Variants in CD82 observed in about 807,000 individuals in gnomAD.
CD82 encodes CD82 molecule.
In CD82, 36 loss-of-function variants were observed where a neutral mutation model predicts 37.4. That is an observed-to-expected ratio of 0.96 (90% CI 0.74 to 1.27). CD82 has a LOEUF of 1.27. Among genes scored for constraint, CD82 ranks in the 50% most tolerant of loss-of-function variants. CD82 has a pLI of 0.00. For synonymous variants in CD82, 158 were observed against 137.4 expected (o/e 1.15, Z -1.05); for missense variants, 340 against 347.0 (o/e 0.98, Z 0.16).
chr11:44,572,080 G>T, intron 1 of CD82, among the ~76,000 whole-genome samples: 1 of 152,220 alleles, frequency 6.6e-6, no homozygotes. Context: ...TGCCACAGTG[G>T]ACGGCTGCAG....
At chr11:44,596,686 G>A (rs1042809827) in intron 3 of CD82, among the ~76,000 whole-genome samples, 3 of 152,072 alleles carry the variant, frequency 2.0e-5, no homozygotes, top group Non-Finnish European at 2.9e-5. Flanking sequence ...GTGGAGGGGG[G>A]AGGGGCAGCT....
At position 44,605,376 on chromosome 11, in the gene CD82, A is replaced by C; in HGVS notation, c.283A>C (p.Ile95Leu). 6.2e-7 allele frequency: 1 copy of C among 1,614,130 alleles called. No homozygotes were observed. The highest frequency in any genetic ancestry group is 8.5e-7 in the Non-Finnish European group (1 of 1,180,018). Reference protein sequence around the residue: ...LGLYFAFLLLILIAQVTAGAL... With the variant: ...LGLYFAFLLLLLIAQVTAGAL... ...CCAGTACTTTGCTTTCCTGCTCCTG[A>C]TCCTCATTGCCCAGGTGACGGCCGG... The change falls in exon 6 of 10, where the codon ATC becomes CTC. Residue 95 changes from isoleucine (I) to leucine (L), a missense_variant. By Grantham distance (5) the Ile-to-Leu change is conservative. Transcript: ENST00000227155.
At chr11:44,618,024 A>T in intron 7 of CD82, 138 bp from the exon 8 acceptor site, 1 of 671,368 alleles carries the variant, frequency 1.5e-6, no homozygotes, top group Non-Finnish European at 2.6e-6. Context: ...CTTGTAGTTT[A>T]TGATGGTTCG....
chr11:44,613,623 G>C (rs981612767), intron 6 of CD82, among the ~76,000 whole-genome samples: 1 of 152,062 alleles, frequency 6.6e-6, no homozygotes, highest in Non-Finnish European at 1.5e-5. Flanking sequence ...AGGAGTTCGA[G>C]ACCAGCCCGG....
chr11:44,619,289 G>GC lies in CD82; in HGVS notation c.*165dup. The GC allele has an allele frequency of 5.4e-5, 33 of 612,920 alleles. No individual in the cohort carries two copies. The highest frequency in any genetic ancestry group is 1.7e-4 in the South Asian group (9 of 52,650). 38.0% of individuals were successfully genotyped at this position (612,920 alleles called of 1,614,324 possible). On this transcript the variant is annotated 3_prime_UTR_variant, in exon 10 of 10. Coordinates refer to ENST00000227155, the MANE Select transcript of CD82 (RefSeq NM_002231.4). ...TTCTGGGGCCTAGCGATCTCTCCTG[G>GC]CCTATCCGCTGCCAGCCTTGAGCCC...
At chr11:44,613,429 A>G (rs1011881149) in intron 6 of CD82, among the ~76,000 whole-genome samples, 2 of 152,126 alleles carry the variant, frequency 1.3e-5, no homozygotes, top group African/African-American at 4.8e-5. Flanking sequence ...TGCTTTGTAA[A>G]TCAGTGTTTT....
rs370571685 is a variant in CD82, at chr11:44,615,267, T to A, written c.337-5T>A. 21 of 1,599,392 alleles carry A rather than the reference T, an allele frequency of 1.3e-5. No homozygotes were observed. In the African/African-American group the frequency reaches 2.5e-4, roughly 19 times the overall value. On this transcript the variant is annotated splice_polypyrimidine_tract_variant and splice_region_variant and intron_variant, in intron 6 of 9. Coordinates refer to ENST00000227155, the MANE Select transcript of CD82 (RefSeq NM_002231.4). ...TGACCCTGACCTTTGTCCTCCCCCC[T>A]GCAGCTGAAGCAGGAGATGGGCGGC... is the stretch of plus-strand genomic sequence containing the variant.
chr11:44,585,614 G>C (rs1853042982), intron 1 of CD82, among the ~76,000 whole-genome samples: 1 of 152,222 alleles, frequency 6.6e-6, no homozygotes, highest in South Asian at 2.1e-4. Flanking sequence ...CAGCTCTGCA[G>C]TGTTTCCCAA....
chr11:44,590,908 C>T (rs1017519389), intron 2 of CD82, among the ~76,000 whole-genome samples: 7 of 152,204 alleles, frequency 4.6e-5, no homozygotes, highest in South Asian at 2.1e-4. Context: ...GGTGTGTCCC[C>T]GCCTCAGGCT....
chr11:44,574,032 G>A (rs189326101), intron 1 of CD82, among the ~76,000 whole-genome samples: 5 of 152,322 alleles, frequency 3.3e-5, no homozygotes, highest in East Asian at 1.9e-4. Context: ...CTTCCTGTCC[G>A]AAGGCTGAGG....
intron 4 of CD82, chr11:44,604,624 A>G (rs1226214947): frequency 2.6e-5 from 5 of 191,192 alleles, no homozygotes; most frequent in Non-Finnish European, 4.4e-5. Flanking sequence ...TTGTCTGTCA[A>G]TTCCGCAGAT....
At position 44,600,241 on chromosome 11, in the gene CD82, C is replaced by A; in HGVS notation, c.136+11C>A. 6.2e-7 allele frequency: 1 copy of A among 1,613,230 alleles called. No homozygotes were observed. The highest frequency in any genetic ancestry group is 1.3e-5 in the African/African-American group (1 of 75,032). On this transcript the variant is annotated intron_variant, in intron 4 of 9. Coordinates refer to ENST00000227155, the MANE Select transcript of CD82 (RefSeq NM_002231.4). ...TCATCTCTGTCCTGCGTAAGGACCC[C>A]TCAGCTTCCCCAGACCCAGGCCCAC...
At chr11:44,618,415 C>A in intron 8 of CD82, 50 bp downstream of exon 8, 3 of 1,510,088 alleles carry the variant, frequency 2.0e-6, no homozygotes, top group Non-Finnish European at 2.7e-6. Context: ...GCGTTGGGGG[C>A]CATCTGGGCT....
At chr11:44,618,396 G>A (rs773324311) in intron 8 of CD82, 31 bp downstream of exon 8, 4 of 1,586,892 alleles carry the variant, frequency 2.5e-6, no homozygotes, top group African/African-American at 1.3e-5. Context: ...CGGGGGCGGG[G>A]CTCCGAGGGC....
chr11:44,601,170 C>T (rs1485122790), intron 4 of CD82, among the ~76,000 whole-genome samples: 1 of 152,192 alleles, frequency 6.6e-6, no homozygotes, highest in Non-Finnish European at 1.5e-5. Flanking sequence ...TTGGCCTTGG[C>T]TCACTTCTCC....
intron 3 of CD82, among the ~76,000 whole-genome samples, chr11:44,596,078 GC>G (rs1247946741): frequency 6.6e-6 from 1 of 152,134 alleles, no homozygotes; most frequent in Non-Finnish European, 1.5e-5. Flanking sequence ...TTCCACCCTG[GC>G]CCCGGCCCTA....
intron 1 of CD82, among the ~76,000 whole-genome samples, chr11:44,575,245 C>T (rs886906698): frequency 3.9e-5 from 6 of 152,182 alleles, no homozygotes; most frequent in Non-Finnish European, 8.8e-5. Flanking sequence ...AGTGTTTTCT[C>T]TTCAATTACA....
intron 1 of CD82, among the ~76,000 whole-genome samples, chr11:44,579,952 G>T (rs1253244942): frequency 6.6e-6 from 1 of 152,168 alleles, no homozygotes; most frequent in Non-Finnish European, 1.5e-5. Context: ...TAAAGGGAGA[G>T]ACTTGGATGA....
At chr11:44,570,574 C>A (rs370983199) in intron 1 of CD82, among the ~76,000 whole-genome samples, 1 of 152,182 alleles carries the variant, frequency 6.6e-6, no homozygotes, top group East Asian at 1.9e-4. Flanking sequence ...AAAGTGGAGC[C>A]GGGAAGCAGG....
Sources: gnomAD v4.1 joint callset for allele counts (sites outside exome capture counted in the v4.1 genomes callset) on GRCh38, gnomAD v4.1.1 for gene constraint, MANE v1.5 for transcripts, NCBI Gene and HGNC (gene_info 2026-07-23, HGNC 2026-07-21) for gene names.